The following SUGP1 variants were observed in gnomAD, a reference collection of about 807,000 sequenced individuals.
The protein encoded by SUGP1 is SURP and G-patch domain-containing protein 1.
In SUGP1, 34 loss-of-function variants were observed where a neutral mutation model predicts 76.5. The observed-to-expected ratio is 0.44, with a 90% CI of 0.34 to 0.59. The LOEUF is 0.59. Ranked by LOEUF, SUGP1 falls within the 20% of genes least tolerant of loss-of-function variation. The pLI is 0.01. For missense variants in SUGP1, 752 were observed against 851.7 expected (o/e 0.88, Z 1.46); for synonymous variants, 326 against 326.2 (o/e 1.00, Z 0.01).
chr19:19,311,714 G>A (rs1356758731), intron 2 of SUGP1, among the ~76,000 whole-genome samples: 14 of 131,890 alleles, frequency 1.1e-4, no homozygotes, highest in South Asian at 2.5e-4. Context: ...GCGACAGAGC[G>A]AGACTCTGTC....
At chr19:19,294,868 A>G (rs571081388) in intron 8 of SUGP1, among the ~76,000 whole-genome samples, 6 of 152,300 alleles carry the variant, frequency 3.9e-5, no homozygotes, top group Non-Finnish European at 8.8e-5. Flanking sequence ...ATGCATCAAA[A>G]GACGCTATTA....
chr19:19,280,236 G>A lies in SUGP1; in HGVS notation c.1299C>T (p.Gly433=), dbSNP rs17751021. The A allele has an allele frequency of 0.037, 60,195 of 1,613,850 alleles. 1,305 individuals are homozygous for A. The highest frequency in any genetic ancestry group is 0.068 in the East Asian group (3,059 of 44,884). The change falls in exon 9 of 14, where the codon GGC becomes GGT. Residue 433 remains glycine (G), a synonymous_variant. Coordinates refer to ENST00000247001, the MANE Select transcript of SUGP1 (RefSeq NM_172231.4). The part of the protein sequence containing the change: ...YEKGKPVGLV[G]VTELSDAQKK... ...TCTGGGCGTCTGAAAGCTCTGTGAC[G>A]CCCACTAGACCCACAGGCTTCCCCT...
chr19:19,281,664 G>A (rs1029796275), intron 8 of SUGP1, among the ~76,000 whole-genome samples: 3 of 152,234 alleles, frequency 2.0e-5, no homozygotes, highest in African/African-American at 7.2e-5. Context: ...GGGCACGTCG[G>A]ACTCCTCCAT....
At chr19:19,312,274 CAAT>C (rs3216939) in intron 2 of SUGP1, among the ~76,000 whole-genome samples, 30,084 of 151,960 alleles carry the variant, frequency 0.2, 3,218 homozygotes, top group South Asian at 0.35. Context: ...AAAAACCCAA[CAAT>C]GTCTCCCTAC....
At chr19:19,315,869 T>C (rs1018311296) in intron 2 of SUGP1, among the ~76,000 whole-genome samples, 2 of 152,000 alleles carry the variant, frequency 1.3e-5, no homozygotes, top group African/African-American at 4.8e-5. Flanking sequence ...TCTCACTCTA[T>C]GGCCCAGGGT....
intron 3 of SUGP1, among the ~76,000 whole-genome samples, chr19:19,308,403 G>C (rs1317780420): frequency 6.6e-6 from 1 of 152,262 alleles, no homozygotes; most frequent in Non-Finnish European, 1.5e-5. Context: ...GGGAAACAGA[G>C]GTAGAGAGAG....
chr19:19,314,487 A>G (rs961791411), intron 2 of SUGP1, among the ~76,000 whole-genome samples: 2 of 152,098 alleles, frequency 1.3e-5, no homozygotes, highest in South Asian at 2.1e-4. Flanking sequence ...AATTACCTTT[A>G]AAGTTTAAAA....
chr19:19,285,327 A>G (rs907397756), intron 8 of SUGP1, among the ~76,000 whole-genome samples: 1 of 151,476 alleles, frequency 6.6e-6, no homozygotes, highest in African/African-American at 2.4e-5. Flanking sequence ...CACTACACAC[A>G]GCTAATTTTT....
At chr19:19,301,421 C>T (rs923932870) in intron 7 of SUGP1, among the ~76,000 whole-genome samples, 1 of 152,186 alleles carries the variant, frequency 6.6e-6, no homozygotes, top group African/African-American at 2.4e-5. Flanking sequence ...CTGGACCTGG[C>T]CTGGCCATGT....
chr19:19,318,113 C>CTTTTATTT (rs55849619), intron 1 of SUGP1, among the ~76,000 whole-genome samples: 1 of 97,680 alleles, frequency 1.0e-5, no homozygotes, highest in Admixed American at 1.2e-4. Flanking sequence ...ACCCAGCCTT[C>CTTTTATTT]TTTTTTTTTT....
Position 19,320,505 on chromosome 19 carries a change from A to C in SUGP1, c.-9T>G. 1.2e-6 allele frequency: 2 copies of C among 1,609,738 alleles called. No individual in the cohort carries two copies. Among genetic ancestry groups the C allele is most frequent in the Non-Finnish European group, 1.7e-6 (2 of 1,178,422 alleles). On this transcript the variant is annotated 5_prime_UTR_variant, in exon 1 of 14. Transcript: ENST00000247001. ...TCCATCTTGAGACTCATCCAATCCC[A>C]CAATGCTCCGGCGCCCCTTAAGGGG...
In SUGP1 at chr19:19,297,078, C is replaced by T. The variant is rs143568455; in HGVS notation, c.1154G>A (p.Ser385Asn). The change falls in exon 8 of 14, where the codon AGC (serine) becomes AAC (asparagine). Residue 385 changes from serine (S) to asparagine (N), a missense_variant. Physicochemically the swap from Ser to Asn is conservative, Grantham distance 46. Transcript: ENST00000247001. ...CTTATCCTCTTCAGGCCCCCACCGG[C>T]TCTTCCGCTTCCTCTTCACGGTGGC... ...SAATVKRKRK[S>N]RWGPEEDKVE... 2.5e-6 allele frequency: 4 copies of T among 1,613,634 alleles called. No individual in the cohort carries two copies. The African/African-American group carries it at 5.3e-5, about 22-fold the overall frequency.
intron 2 of SUGP1, among the ~76,000 whole-genome samples, chr19:19,312,417 T>C (rs922095780): frequency 1.2e-4 from 19 of 152,310 alleles, no homozygotes; most frequent in Non-Finnish European, 2.6e-4. Flanking sequence ...CACACCATCC[T>C]GCTCCAATCT....
In SUGP1 at chr19:19,316,248, C is replaced by A. The variant is rs2061393203; in HGVS notation, c.206+174G>T. Reference sequence around the variant, plus strand: ...GCTGTCCTCTGGGCTTCCACATACCCCTCATTTCTCTCTTGCCACAGTGAG... The same window carrying A: ...GCTGTCCTCTGGGCTTCCACATACCACTCATTTCTCTCTTGCCACAGTGAG... On this transcript the variant is annotated intron_variant, in intron 2 of 13. Transcript: ENST00000247001. The A allele has an allele frequency of 2.2e-5, 17 of 771,834 alleles. No individual in the cohort carries two copies. The East Asian group carries it at 4.6e-4, about 21-fold the overall frequency. 47.8% of individuals were successfully genotyped at this position (771,834 alleles called of 1,614,324 possible). A position where few individuals can be genotyped will look rare whatever the true frequency, so the allele number is the denominator to read the frequency against.
intron 7 of SUGP1, chr19:19,301,540 G>A (rs2061271586): frequency 6.6e-6 from 1 of 152,424 alleles, no homozygotes; most frequent in South Asian, 2.1e-4. Context: ...GCTGCCCCAG[G>A]ACTGTCATGT....
At chr19:19,299,846 C>T (rs1413488332) in intron 7 of SUGP1, among the ~76,000 whole-genome samples, 2 of 151,778 alleles carry the variant, frequency 1.3e-5, no homozygotes, top group Non-Finnish European at 2.9e-5. Flanking sequence ...GGCTGGAGTG[C>T]AGTGGTGCAA....
Position 19,277,768 on chromosome 19 carries a change from A to G in SUGP1, c.1747T>C (p.Ser583Pro), listed in dbSNP as rs2061065340. The change falls in exon 12 of 14, where the codon TCA (serine) becomes CCA (proline). Residue 583 changes from serine (S) to proline (P), a missense_variant. Physicochemically the swap from Ser to Pro is moderately conservative, Grantham distance 74 (BLOSUM62 -1). This residue lies in a region of SUGP1 where 132 missense variants were observed against 234.4 expected (regional missense o/e 0.56). Transcript: ENST00000247001. ...MGWKEGEGLG[S>P]EGQGIKNPVN... is the part of the protein sequence containing the mutation. Reference sequence around the variant, plus strand: ...GGGTTCTTGATGCCCTGGCCCTCTGAGCCCAGCCCCTCGCCCTCCTTCCAG... The same window carrying G: ...GGGTTCTTGATGCCCTGGCCCTCTGGGCCCAGCCCCTCGCCCTCCTTCCAG... 3 of 1,614,002 alleles carry G rather than the reference A, an allele frequency of 1.9e-6. No homozygotes were observed. Among genetic ancestry groups the G allele is most frequent in the Non-Finnish European group, 2.5e-6 (3 of 1,179,960 alleles).
In SUGP1 at chr19:19,277,997, C is replaced by G. The variant is rs2061067329; in HGVS notation, c.1636-118G>C. On this transcript the variant is annotated intron_variant, in intron 11 of 13. Coordinates refer to ENST00000247001, the MANE Select transcript of SUGP1 (RefSeq NM_172231.4). Reference sequence around the variant, plus strand: ...GGACCAGTGGCCCATCTGCCTCCCTCTCACCAGATCAGACTCCTTGAGAAC... The same window carrying G: ...GGACCAGTGGCCCATCTGCCTCCCTGTCACCAGATCAGACTCCTTGAGAAC... 3.2e-6 allele frequency: 4 copies of G among 1,246,338 alleles called. No homozygotes were observed. The South Asian group carries it at 5.6e-5, about 18-fold the overall frequency. The allele number at this position is 1,246,338 out of a possible 1,614,324, so 77.2% of individuals were successfully genotyped here.
At chr19:19,281,294 C>CCACAGGG (rs1176824120) in intron 8 of SUGP1, 1 of 152,216 alleles carries the variant, frequency 6.6e-6, no homozygotes, top group Non-Finnish European at 1.5e-5. Flanking sequence ...TCCAACTAAG[C>CCACAGGG]CACAGGGCGA....
Sources: gnomAD v4.1 joint callset for allele counts (sites outside exome capture counted in the v4.1 genomes callset) on GRCh38, gnomAD v4.1.1 for gene constraint, gnomAD v4.1.1 regional missense constraint, MANE v1.5 for transcripts, NCBI Gene and HGNC (gene_info 2026-07-23, HGNC 2026-07-21) for gene names.